The following SLF1 variants were observed in gnomAD, a reference collection of about 807,000 sequenced individuals.
The protein encoded by SLF1 is SMC5/6 complex localization factor 1, also known as SMC5-SMC6 complex localization factor protein 1.
SLF1 carries 105 observed loss-of-function variants against 123.0 expected under a neutral mutation model. The ratio of observed to expected loss-of-function variants is 0.85; its 90% confidence interval spans 0.73 to 1.00. The LOEUF is 1.00. Ranked by LOEUF, SLF1 falls within the 50% of genes least tolerant of loss-of-function variation. SLF1 has a pLI of 0.00. For synonymous variants in SLF1, 434 were observed against 406.6 expected (o/e 1.07, Z -0.81); for missense variants, 1,239 against 1,223.0 (o/e 1.01, Z -0.20).
At chr5:94,672,802 G>C (rs895128965) in intron 14 of SLF1, among the ~76,000 whole-genome samples, 1 of 152,052 alleles carries the variant, frequency 6.6e-6, no homozygotes, top group African/African-American at 2.4e-5. Flanking sequence ...TTCTGTTGTT[G>C]TTTTTGCTGT....
At position 94,697,486 on chromosome 5, in the gene SLF1, G is replaced by C. The variant is rs1753571186; in HGVS notation, c.*2174G>C. On this transcript the variant is annotated 3_prime_UTR_variant, in exon 21 of 21. Transcript: ENST00000265140. ...TTTTCAAAGTTGCATCTGAAGACAAGGTTGAGAAATGCTATTCTTCACTGT... is the reference window on the plus strand; with the variant it reads ...TTTTCAAAGTTGCATCTGAAGACAACGTTGAGAAATGCTATTCTTCACTGT... The C allele has an allele frequency of 6.6e-6, 1 of 151,794 alleles. No homozygotes were observed. Among genetic ancestry groups the C allele is most frequent in the South Asian group, 2.1e-4 (1 of 4,810 alleles). The allele number at this position is 151,794 out of a possible 1,614,324, so 9.4% of individuals were successfully genotyped here. A position where few individuals can be genotyped will look rare whatever the true frequency, so the allele number is the denominator to read the frequency against.
intron 20 of SLF1, among the ~76,000 whole-genome samples, chr5:94,694,109 T>G (rs939039740): frequency 6.6e-6 from 1 of 151,976 alleles, no homozygotes; most frequent in Non-Finnish European, 1.5e-5. Context: ...ACTTGACTGA[T>G]GAAGGCAAAA....
chr5:94,668,876 G>A (rs1387151694), intron 12 of SLF1, among the ~76,000 whole-genome samples: 2 of 152,180 alleles, frequency 1.3e-5, no homozygotes, highest in Non-Finnish European at 2.9e-5. Flanking sequence ...CTTTCTTAAA[G>A]AGAGGTGCTC....
At chr5:94,641,454 G>A (rs2152473010) in intron 4 of SLF1, among the ~76,000 whole-genome samples, 1 of 152,252 alleles carries the variant, frequency 6.6e-6, no homozygotes, top group Non-Finnish European at 1.5e-5. Flanking sequence ...TCAGTATTCT[G>A]TTAGAGCAGC....
rs548314871 is a variant in SLF1, at chr5:94,648,147, C to G, written c.595-1307C>G. On this transcript the variant is annotated intron_variant, in intron 5 of 20. Coordinates refer to ENST00000265140, the MANE Select transcript of SLF1 (RefSeq NM_032290.4). ...AATGCCAGGTACTCATTTCCCCCCA[C>G]CTGCAAGTTACACTTAACAGAAATT... Among the ~76,000 whole-genome samples, 40 of 152,308 alleles carry G rather than the reference C, an allele frequency of 2.6e-4. No individual in the cohort carries two copies. The East Asian group carries it at 7.3e-3, about 28-fold the overall frequency.
chr5:94,642,241 C>A (rs1344901261), intron 4 of SLF1, among the ~76,000 whole-genome samples: 1 of 152,148 alleles, frequency 6.6e-6, no homozygotes, highest in East Asian at 1.9e-4. Flanking sequence ...ACCACTAGCC[C>A]ACTTATGCTG....
intron 17 of SLF1, 27 bp downstream of exon 17, chr5:94,688,696 G>A (rs200821391): frequency 1.2e-6 from 2 of 1,611,402 alleles, no homozygotes; most frequent in East Asian, 4.5e-5. Context: ...TCCCAGCTGT[G>A]CTTTGTTTTG....
intron 6 of SLF1, 123 bp from the exon 7 acceptor site, chr5:94,651,579 C>A (rs568714946): frequency 1.5e-6 from 1 of 655,860 alleles, no homozygotes; most frequent in Non-Finnish European, 2.4e-6. Flanking sequence ...TCTATTTAAC[C>A]TTGTATGTAT....
At chr5:94,625,542 C>T (rs893038561) in intron 1 of SLF1, among the ~76,000 whole-genome samples, 4 of 151,920 alleles carry the variant, frequency 2.6e-5, no homozygotes. Context: ...TGCCACCACA[C>T]CTGGCTAATT....
rs1376797897 is a variant in SLF1, at chr5:94,695,983, A to G, written c.*671A>G. ...TACAAAATGTATCTGTCGCTGCCCT[A>G]TGTAACCCAGTATTCTGTACCTGAA... is the stretch of plus-strand genomic sequence containing the variant. On this transcript the variant is annotated 3_prime_UTR_variant, in exon 21 of 21. Transcript: ENST00000265140. The G allele has an allele frequency of 1.3e-5, 2 of 151,846 alleles. No individual in the cohort carries two copies. Among genetic ancestry groups the G allele is most frequent in the South Asian group, 4.1e-4 (2 of 4,832 alleles). The allele number at this position is 151,846 out of a possible 1,614,324, so 9.4% of individuals were successfully genotyped here. A position where few individuals can be genotyped will look rare whatever the true frequency, so the allele number is the denominator to read the frequency against.
intron 1 of SLF1, among the ~76,000 whole-genome samples, chr5:94,627,862 T>C (rs1297247249): frequency 6.6e-6 from 1 of 151,306 alleles, no homozygotes; most frequent in Non-Finnish European, 1.5e-5. Flanking sequence ...GGAGTTTCAC[T>C]CTTGTTGCCC....
chr5:94,677,481 A>G (rs1184769939), intron 14 of SLF1, among the ~76,000 whole-genome samples: 2 of 152,320 alleles, frequency 1.3e-5, no homozygotes, highest in East Asian at 3.9e-4. Context: ...ATACATGAAC[A>G]GAATGTTATA....
intron 4 of SLF1, among the ~76,000 whole-genome samples, chr5:94,639,662 G>C (rs531790168): frequency 2.0e-5 from 3 of 152,258 alleles, no homozygotes; most frequent in African/African-American, 7.2e-5. Flanking sequence ...TTGACTGGAA[G>C]CCTTACTGAT....
At chr5:94,686,141 T>C (rs1752407563) in intron 15 of SLF1, among the ~76,000 whole-genome samples, 1 of 152,216 alleles carries the variant, frequency 6.6e-6, no homozygotes, top group Non-Finnish European at 1.5e-5. Flanking sequence ...TCCTGTCAAC[T>C]CAGTACTGAT....
rs1337299497 is a variant in SLF1 at position 94,691,550 on chromosome 5, A to AT, written c.2420-8dup. ...TTGTCTTCTCTGGAATAATCTATTA[A>AT]TTTTTTATGGCAGGAGAAACAGCCC... is the stretch of plus-strand genomic sequence containing the variant. On this transcript the variant is annotated splice_polypyrimidine_tract_variant and intron_variant, in intron 18 of 20. Transcript: ENST00000265140. 4 of 1,600,440 alleles carry AT rather than the reference A, an allele frequency of 2.5e-6. No individual in the cohort carries two copies. The African/African-American group carries it at 4.0e-5, about 16-fold the overall frequency.
At chr5:94,638,021 C>T (rs573403095) in intron 4 of SLF1, among the ~76,000 whole-genome samples, 25 of 152,114 alleles carry the variant, frequency 1.6e-4, no homozygotes, top group African/African-American at 6.0e-4. Flanking sequence ...GAGATTCCCG[C>T]CAGGTAGAAC....
In SLF1 at chr5:94,670,205, C is replaced by A; in HGVS notation, c.1587C>A (p.Ser529=). The change falls in exon 13 of 21, where the codon TCC becomes TCA. Residue 529 remains serine, a synonymous_variant. Transcript: ENST00000265140. ...ATCAAATTTCAGAAAATATTGGCTC[C>A]AAGGTGCTCCACCTGACGCTACTCA... ...FCHQISENIG[S]KVLHLTLLKF... is the part of the protein sequence containing the mutation. The A allele has an allele frequency of 6.5e-7, 1 of 1,534,628 alleles. No homozygotes were observed. The highest frequency in any genetic ancestry group is 8.8e-7 in the Non-Finnish European group (1 of 1,140,992).
At chr5:94,682,025 T>C (rs1751846062) in intron 15 of SLF1, among the ~76,000 whole-genome samples, 1 of 152,178 alleles carries the variant, frequency 6.6e-6, no homozygotes, top group African/African-American at 2.4e-5. Context: ...TGCATGTGTG[T>C]GTGTGTGCAT....
intron 11 of SLF1, among the ~76,000 whole-genome samples, chr5:94,664,881 A>G (rs1749561760): frequency 6.6e-6 from 1 of 152,222 alleles, no homozygotes; most frequent in East Asian, 1.9e-4. Flanking sequence ...TTGCTTCTTC[A>G]GAACCTGCAC....
Sources: allele counts gnomAD v4.1 joint callset (sites outside exome capture counted in the v4.1 genomes callset), GRCh38; gene constraint gnomAD v4.1.1; transcripts MANE v1.5; gene names NCBI Gene and HGNC (gene_info 2026-07-23, HGNC 2026-07-21).